The following CNTN1 variants were observed in gnomAD, a reference collection of about 807,000 sequenced individuals.
CNTN1 encodes contactin-1.
In CNTN1, 38 loss-of-function variants were observed where a neutral mutation model predicts 126.4. The ratio of observed to expected loss-of-function variants is 0.30; its 90% CI spans 0.23 to 0.39. The LOEUF is 0.39. Ranked by LOEUF, CNTN1 falls within the 10% of genes least tolerant of loss-of-function variation. The probability of loss-of-function intolerance (pLI) is 1.00; values close to 1 mark genes in which losing one functional copy is unlikely to be tolerated. For synonymous variants in CNTN1, 413 were observed against 422.6 expected, an observed-to-expected ratio of 0.98 and a Z score of 0.28; for missense variants, 1,009 against 1,248.4, an observed-to-expected ratio of 0.81 and a Z score of 2.89.
intron 14 of CNTN1, among the ~76,000 whole-genome samples, chr12:40,945,610 A>C (rs12315256): frequency 0.12 from 17,765 of 151,858 alleles, 1,089 homozygotes; most frequent in Non-Finnish European, 0.12. Context: ...GCTTATTTAT[A>C]TTCTTTAAAA....
chr12:40,841,469 A>G (rs1466321924), intron 1 of CNTN1, among the ~76,000 whole-genome samples: 2 of 152,042 alleles, frequency 1.3e-5, no homozygotes, highest in Non-Finnish European at 2.9e-5. Flanking sequence ...ACCAGACAAG[A>G]ACACAACAAA....
intron 15 of CNTN1, chr12:40,971,730 G>A: frequency 7.6e-7 from 1 of 1,321,572 alleles, no homozygotes; most frequent in African/African-American, 1.5e-5. Flanking sequence ...AATGCCTAGT[G>A]AACTAACTCA....
chr12:40,929,355 A>C (rs56836878), intron 6 of CNTN1, among the ~76,000 whole-genome samples: 38,928 of 143,084 alleles, frequency 0.27, 5,524 homozygotes, highest in African/African-American at 0.43. Flanking sequence ...CACACACACA[A>C]AAAAAAAAAG....
chr12:40,947,300 G>A (rs552582250), intron 14 of CNTN1, among the ~76,000 whole-genome samples: 8 of 152,080 alleles, frequency 5.3e-5, no homozygotes, highest in South Asian at 2.1e-4. Context: ...ATACAAGCTC[G>A]AAGCAGAAAT....
At chr12:40,880,312 G>T (rs183270907) in intron 1 of CNTN1, among the ~76,000 whole-genome samples, 28 of 152,032 alleles carry the variant, frequency 1.8e-4, no homozygotes, top group Admixed American at 1.4e-3. Flanking sequence ...TGAGTAAGAG[G>T]ATTTCCTTTT....
chr12:40,885,208 C>A (rs539473687), intron 1 of CNTN1, among the ~76,000 whole-genome samples: 1 of 151,830 alleles, frequency 6.6e-6, no homozygotes, highest in South Asian at 2.1e-4. Context: ...AATTGCTTAA[C>A]CTACATGACT....
At chr12:40,773,953 A>G (rs1435372063) in intron 1 of CNTN1, among the ~76,000 whole-genome samples, 2 of 151,472 alleles carry the variant, frequency 1.3e-5, no homozygotes, top group East Asian at 3.9e-4. Context: ...TTGTCAGCAC[A>G]CTTACCATCT....
chr12:40,696,304 C>T (rs1303705227), intron 1 of CNTN1, among the ~76,000 whole-genome samples: 3 of 152,160 alleles, frequency 2.0e-5, no homozygotes, highest in African/African-American at 7.2e-5. Flanking sequence ...CTTTTTAAGA[C>T]TTTCTTTCCT....
chr12:40,880,241 C>T (rs750056589), intron 1 of CNTN1, among the ~76,000 whole-genome samples: 38 of 151,928 alleles, frequency 2.5e-4, no homozygotes, highest in Non-Finnish European at 2.4e-4. Context: ...GTCAGTAAAC[C>T]TAAAATCAGC....
chr12:40,788,951 T>G (rs776079858), intron 1 of CNTN1, among the ~76,000 whole-genome samples: 20 of 152,270 alleles, frequency 1.3e-4, no homozygotes, highest in Admixed American at 3.3e-4. Context: ...AATTTTTAAT[T>G]TAGATCTTCA....
chr12:40,775,894 G>A (rs867060601), intron 1 of CNTN1, among the ~76,000 whole-genome samples: 18 of 151,704 alleles, frequency 1.2e-4, no homozygotes, highest in Middle Eastern at 3.4e-3. Context: ...AGTCAAAAAC[G>A]TAGTGTAAGT....
intron 23 of CNTN1, among the ~76,000 whole-genome samples, chr12:41,057,430 ATAT>A (rs1949851022): frequency 6.6e-6 from 1 of 151,806 alleles, no homozygotes; most frequent in Non-Finnish European, 1.5e-5. Context: ...TACAAGGAAA[ATAT>A]TATTAAAGTT....
chr12:40,895,025 A>G (rs1312320838), intron 1 of CNTN1, among the ~76,000 whole-genome samples: 1 of 152,194 alleles, frequency 6.6e-6, no homozygotes, highest in Non-Finnish European at 1.5e-5. Flanking sequence ...TCTGGCCTCA[A>G]GGTAATTCCA....
intron 1 of CNTN1, among the ~76,000 whole-genome samples, chr12:40,905,287 C>T (rs1944768389): frequency 6.6e-6 from 1 of 152,194 alleles, no homozygotes; most frequent in South Asian, 2.1e-4. Context: ...TATCCCACTT[C>T]TTTCCAGATT....
chr12:40,759,358 G>A (rs1468065188), intron 1 of CNTN1, among the ~76,000 whole-genome samples: 1 of 152,088 alleles, frequency 6.6e-6, no homozygotes, highest in African/African-American at 2.4e-5. Context: ...TGGTTTCCAA[G>A]CCCAAAACCA....
chr12:41,009,855 G>C (rs1481355676), intron 17 of CNTN1, among the ~76,000 whole-genome samples: 1 of 152,172 alleles, frequency 6.6e-6, no homozygotes. Flanking sequence ...CTTCTGGATT[G>C]ATATTAGCTT....
intron 1 of CNTN1, among the ~76,000 whole-genome samples, chr12:40,740,077 G>C (rs749220520): frequency 6.6e-6 from 1 of 151,780 alleles, no homozygotes; most frequent in Non-Finnish European, 1.5e-5. Context: ...AACTCATAAG[G>C]GTAAATAAAT....
At chr12:41,016,358 G>A (rs974173590) in intron 18 of CNTN1, among the ~76,000 whole-genome samples, 1 of 152,076 alleles carries the variant, frequency 6.6e-6, no homozygotes, top group Non-Finnish European at 1.5e-5. Flanking sequence ...AAAACGTCGA[G>A]GTGATTTTAC....
intron 1 of CNTN1, among the ~76,000 whole-genome samples, chr12:40,757,254 G>A (rs191449222): frequency 1.4e-5 from 2 of 146,134 alleles, no homozygotes; most frequent in Non-Finnish European, 3.0e-5. Context: ...ATGCCATCAC[G>A]TTAGGGGTGA....
Sources: gnomAD v4.1 joint callset for allele counts (sites outside exome capture counted in the v4.1 genomes callset) on GRCh38, gnomAD v4.1.1 for gene constraint, MANE v1.5 for transcripts, NCBI Gene and HGNC (gene_info 2026-07-23, HGNC 2026-07-21) for gene names.